Variants in NPC1 observed in about 807,000 individuals in gnomAD.
The protein encoded by NPC1 is NPC intracellular cholesterol transporter 1.
NPC1 carries 85 observed loss-of-function variants against 140.4 expected under a neutral mutation model. The observed-to-expected ratio is 0.61, with a 90% CI of 0.51 to 0.72. The LOEUF is 0.72. Ranked by LOEUF, NPC1 falls within the 30% of genes least tolerant of loss-of-function variation. The probability of loss-of-function intolerance (pLI) is 0.00; values close to 1 mark genes in which losing one functional copy is unlikely to be tolerated. For synonymous variants in NPC1, 656 were observed against 624.8 expected, an observed-to-expected ratio of 1.05 and a Z score of -0.74; for missense variants, 1,504 against 1,623.8, an observed-to-expected ratio of 0.93 and a Z score of 1.27.
intron 4 of NPC1, among the ~76,000 whole-genome samples, chr18:23,563,028 A>T (rs1624695): frequency 0.75 from 114,098 of 152,122 alleles, 43,949 homozygotes; most frequent in East Asian, 0.93. Context: ...CTAGCTATGC[A>T]CAACTACCTC....
rs1433511993 is a variant in NPC1 at position 23,544,413 on chromosome 18, A to C, written c.2061T>G (p.Ile687Met). 6.2e-7 allele frequency: 1 copy of C among 1,614,192 alleles called. No individual in the cohort carries two copies. Among genetic ancestry groups the C allele is most frequent in the South Asian group, 1.1e-5 (1 of 91,080 alleles). ...CCAGCACCAGGAACGGGATGACTTC[A>C]ATCACAATGAGGGTCAAGGGCAACC... ...YIGLPLTLIV[I>M]EVIPFLVLAV... The change falls in exon 13 of 25, where the codon ATT becomes ATG. Residue 687 changes from isoleucine (I) to methionine (M), a missense_variant. Ile to Met is a conservative substitution (Grantham distance 10). Transcript: ENST00000269228.
chr18:23,536,005 CAAAA>C lies in NPC1; in HGVS notation c.3246-309_3246-306del, dbSNP rs61583208. ...CATTCCACAGCATTCTGAAAAAACA[CAAAA>C]AAACAAAGAATCCTGATCTATCCTG... On this transcript the variant is annotated intron_variant, in intron 21 of 24. Transcript: ENST00000269228. Among the ~76,000 whole-genome samples, 2,068 of 152,106 alleles carry C rather than the reference CAAAA, an allele frequency of 0.014. 35 individuals carry two copies. Among genetic ancestry groups the C allele is most frequent in the African/African-American group, 0.048 (1,995 of 41,474 alleles).
At chr18:23,561,996 CCT>C (rs2059047669) in intron 4 of NPC1, among the ~76,000 whole-genome samples, 1 of 152,154 alleles carries the variant, frequency 6.6e-6, no homozygotes, top group South Asian at 2.1e-4. Flanking sequence ...TGTCAATAAA[CCT>C]AATACTGTTG....
intron 1 of NPC1, among the ~76,000 whole-genome samples, chr18:23,578,092 G>A (rs2059313848): frequency 6.6e-6 from 1 of 152,244 alleles, no homozygotes; most frequent in Non-Finnish European, 1.5e-5. Flanking sequence ...GTGCAGTGGG[G>A]GACTGAAGGG....
intron 11 of NPC1, among the ~76,000 whole-genome samples, 155 bp downstream of exon 11, chr18:23,547,851 C>T (rs1216326143): frequency 1.3e-5 from 2 of 152,202 alleles, no homozygotes; most frequent in Non-Finnish European, 2.9e-5. Context: ...AATGTGTTTA[C>T]AGTTTCTTCT....
At chr18:23,562,301 A>C (rs1016512797) in intron 4 of NPC1, among the ~76,000 whole-genome samples, 2 of 151,876 alleles carry the variant, frequency 1.3e-5, no homozygotes, top group East Asian at 3.9e-4. Flanking sequence ...AAAAACAAAA[A>C]AAAAAAACAA....
rs557268460 is a variant in NPC1 at position 23,510,603 on chromosome 18, T to A, written c.432-3961A>T. Among the ~76,000 whole-genome samples the A allele has an allele frequency of 2.8e-4, 43 of 151,582 alleles. No homozygotes were observed. In the South Asian group the frequency reaches 8.8e-3, roughly 31 times the overall value. ...CGGAGCTTGTAGTGAGCTGAGATGG[T>A]GCCACTGCACTCCAGCCTGGGCAAC... On this transcript the variant is annotated intron_variant, in intron 3 of 3. Coordinates refer to the NPC1 transcript ENST00000591107.
intron 18 of NPC1, 140 bp from the exon 19 acceptor site, chr18:23,539,610 G>A: frequency 1.3e-6 from 1 of 792,218 alleles, no homozygotes; most frequent in Non-Finnish European, 2.1e-6. Context: ...AGCACTTAAT[G>A]AAAAAAGCCT....
intron 1 of NPC1, chr18:23,581,981 G>A (rs911161182): frequency 6.6e-6 from 1 of 152,138 alleles, no homozygotes; most frequent in African/African-American, 2.4e-5. Flanking sequence ...TGTATAGACG[G>A]ACTTTTTTTC....
chr18:23,540,598 ATAAAATCT>A, intron 16 of NPC1, 61 bp from the exon 17 acceptor site: 1 of 1,227,604 alleles, frequency 8.1e-7, no homozygotes, highest in Non-Finnish European at 1.2e-6. Flanking sequence ...ACGACCAGAA[ATAAAATCT>A]TAAGCACACA....
chr18:23,524,265 AATAAC>A (rs2058229444), intron 1 of NPC1: 3 of 1,546,464 alleles, frequency 1.9e-6, no homozygotes, highest in Non-Finnish European at 2.7e-6. Context: ...GGCAGCTGTG[AATAAC>A]ACTCCGAGAG....
Position 23,531,842 on chromosome 18 carries a change from G to A in NPC1, c.*360C>T, listed in dbSNP as rs1442859034. Reference sequence around the variant, plus strand: ...TAAAAATATGGTATAGAACTTGTGGGATGGCTTACTCCTAAAAGGAGAGAC... The same window carrying A: ...TAAAAATATGGTATAGAACTTGTGGAATGGCTTACTCCTAAAAGGAGAGAC... On this transcript the variant is annotated 3_prime_UTR_variant, in exon 25 of 25. Transcript: ENST00000269228. 29 of 1,464,046 alleles carry A rather than the reference G, an allele frequency of 2.0e-5. No homozygotes were observed. Among genetic ancestry groups the A allele is most frequent in the Non-Finnish European group, 2.5e-5 (28 of 1,117,240 alleles). The allele number at this position is 1,464,046 out of a possible 1,614,324, so 90.7% of individuals were successfully genotyped here. A position where few individuals can be genotyped will look rare whatever the true frequency, so the allele number is the denominator to read the frequency against.
At chr18:23,508,663 CTT>C (rs2057772654) in intron 3 of NPC1, 1 of 152,342 alleles carries the variant, frequency 6.6e-6, no homozygotes, top group Non-Finnish European at 1.5e-5. Context: ...AGGGCGGACT[CTT>C]TGGTGAGGAG....
chr18:23,536,790 G>C lies in NPC1; in HGVS notation c.3128C>G (p.Thr1043Ser). 3.1e-6 allele frequency: 5 copies of C among 1,614,208 alleles called. No homozygotes were observed. The highest frequency in any genetic ancestry group is 4.2e-6 in the Non-Finnish European group (5 of 1,180,030). Residue 1043 changes from threonine to serine, a missense_variant, in exon 21 of 25, where the codon ACC (threonine) becomes AGC (serine). Coordinates refer to ENST00000269228, the MANE Select transcript of NPC1 (RefSeq NM_000271.5). Reference protein sequence around the residue: ...VGATYFMTYHTVLQTSADFID... With the variant: ...VGATYFMTYHSVLQTSADFID... ...AAAGTCAGCAGAGGTCTGCAGCACG[G>C]TGTGGTAGGTCATGAAGTACGTGGC...
At chr18:23,521,870 C>T (rs1041109798), downstream of NPC1, among the ~76,000 whole-genome samples, 2 of 152,190 alleles carry the variant, frequency 1.3e-5, no homozygotes, top group Non-Finnish European at 2.9e-5. Context: ...GTGCCTGTCC[C>T]TCGCAGCAGT....
chr18:23,533,103 A>G (rs969094569), intron 24 of NPC1: 3 of 628,610 alleles, frequency 4.8e-6, no homozygotes, highest in Non-Finnish European at 7.4e-6. Context: ...GACTGGCTCC[A>G]GGCCTTTGTG....
At position 23,531,560 on chromosome 18, in the gene NPC1, A is replaced by G; in HGVS notation, c.*642T>C. 6.3e-7 allele frequency: 1 copy of G among 1,586,502 alleles called. No individual in the cohort carries two copies. Among genetic ancestry groups the G allele is most frequent in the African/African-American group, 1.4e-5 (1 of 73,460 alleles). On this transcript the variant is annotated 3_prime_UTR_variant, in exon 25 of 25. Transcript: ENST00000269228. Reference sequence around the variant, plus strand: ...TTAAAACCCAGTAGACACACCTACGAGATGCTTTCTTTGTCCCTCATTTCA... The same window carrying G: ...TTAAAACCCAGTAGACACACCTACGGGATGCTTTCTTTGTCCCTCATTTCA...
intron 6 of NPC1, among the ~76,000 whole-genome samples, chr18:23,557,537 AC>A (rs2058972518): frequency 1.3e-5 from 2 of 152,204 alleles, no homozygotes; most frequent in Non-Finnish European, 2.9e-5. Context: ...GGGCGGGATC[AC>A]GAGGTCAAGA....
At chr18:23,566,788 GTATCA>G (rs1463689551) in intron 4 of NPC1, among the ~76,000 whole-genome samples, 1 of 152,148 alleles carries the variant, frequency 6.6e-6, no homozygotes, top group Middle Eastern at 3.2e-3. Context: ...CACCATTATA[GTATCA>G]TATAGAGTAT....
Sources: gnomAD v4.1 joint callset for allele counts (sites outside exome capture counted in the v4.1 genomes callset) on GRCh38, gnomAD v4.1.1 for gene constraint, MANE v1.5 for transcripts, NCBI Gene and HGNC (gene_info 2026-07-23, HGNC 2026-07-21) for gene names.